Variants in PTPRG observed in about 807,000 individuals in gnomAD.
The protein encoded by PTPRG is protein tyrosine phosphatase receptor type G.
PTPRG carries 102 observed loss-of-function variants against 165.3 expected under a neutral mutation model. The ratio of observed to expected loss-of-function variants is 0.62; its 90% CI spans 0.53 to 0.73. The LOEUF is 0.73. Among genes scored for constraint, PTPRG ranks in the 30% least tolerant of loss-of-function variants. The pLI is 0.00. For synonymous variants in PTPRG, 675 were observed against 669.5 expected (o/e 1.01, Z -0.13); for missense variants, 1,866 against 1,861.4 (o/e 1.00, Z -0.05).
At chr3:61,596,534 C>G (rs561921057) in intron 1 of PTPRG, among the ~76,000 whole-genome samples, 1 of 152,036 alleles carries the variant, frequency 6.6e-6, no homozygotes, top group African/African-American at 2.4e-5. Context: ...AAGACACTTG[C>G]TATCTGAGGC....
rs537680292 is a variant in PTPRG, at chr3:62,115,745, C to A, written c.616-16857C>A. Among the ~76,000 whole-genome samples, 136 of 151,912 alleles carry A rather than the reference C, an allele frequency of 9.0e-4. 2 individuals are homozygous for A. In the South Asian group the frequency reaches 0.017, roughly 19 times the overall value. On this transcript the variant is annotated intron_variant, in intron 5 of 29. Transcript: ENST00000474889. ...AGAGACAAGGGTTTTCCATTTTGCC[C>A]AGGCAGGTCTTGAACTCCTGGGCTC...
At chr3:61,816,711 A>G (rs962662743) in intron 2 of PTPRG, among the ~76,000 whole-genome samples, 10 of 152,008 alleles carry the variant, frequency 6.6e-5, no homozygotes, top group South Asian at 2.1e-4. Context: ...GAGGAGGCAC[A>G]TGGATGGCTG....
chr3:62,140,634 G>A (rs1022236905), intron 6 of PTPRG, among the ~76,000 whole-genome samples: 24 of 151,970 alleles, frequency 1.6e-4, no homozygotes, highest in Non-Finnish European at 1.5e-5. Context: ...ATCACCTGAG[G>A]TCAGGATTTC....
At chr3:61,960,938 A>T (rs1469146838) in intron 2 of PTPRG, among the ~76,000 whole-genome samples, 1 of 152,122 alleles carries the variant, frequency 6.6e-6, no homozygotes, top group Non-Finnish European at 1.5e-5. Context: ...CAGCTGTGTT[A>T]ACTTGGGCCA....
chr3:61,856,082 A>G (rs557979472), intron 2 of PTPRG, among the ~76,000 whole-genome samples: 1 of 152,256 alleles, frequency 6.6e-6, no homozygotes, highest in Non-Finnish European at 1.5e-5. Flanking sequence ...GTGACAGTCA[A>G]GTGTGATGCC....
In PTPRG at chr3:61,739,487, T is replaced by C. The variant is rs996315007; in HGVS notation, c.86-9391T>C. 8.5e-5 allele frequency among the ~76,000 whole-genome samples: 13 copies of C among 152,334 alleles called. No individual in the cohort carries two copies. In the East Asian group the frequency reaches 2.5e-3, roughly 29 times the overall value. ...AAGTGGAGTAGCTATTCATATTAAC[T>C]CACAGATATTTTTATGATGCCTAAA... On this transcript the variant is annotated intron_variant, in intron 1 of 29. Transcript: ENST00000474889.
chr3:62,016,537 T>A (rs893236405), intron 4 of PTPRG, among the ~76,000 whole-genome samples: 5 of 152,198 alleles, frequency 3.3e-5, no homozygotes, highest in Non-Finnish European at 7.3e-5. Context: ...TCCATCTATT[T>A]TGTTTCTTTT....
At chr3:62,048,906 C>T (rs928043992) in intron 4 of PTPRG, among the ~76,000 whole-genome samples, 23 of 152,100 alleles carry the variant, frequency 1.5e-4, no homozygotes, top group African/African-American at 5.3e-4. Flanking sequence ...TAATTAAAGG[C>T]GCTGAGTAAA....
At chr3:61,991,535 A>C (rs2040890131) in intron 3 of PTPRG, among the ~76,000 whole-genome samples, 1 of 152,112 alleles carries the variant, frequency 6.6e-6, no homozygotes, top group Non-Finnish European at 1.5e-5. Context: ...TCACCTCTCT[A>C]CCACCCCAGC....
chr3:62,211,418 G>C lies in PTPRG; in HGVS notation c.2156-7433G>C, dbSNP rs373678809. On this transcript the variant is annotated intron_variant, in intron 12 of 29. Coordinates refer to ENST00000474889, the MANE Select transcript of PTPRG (RefSeq NM_002841.4). ...CAAGATGAAAAAGTTCTGGAGATCA[G>C]TTGCGCATCAGTTGCACAACAATGT... 7.9e-5 allele frequency among the ~76,000 whole-genome samples: 12 copies of C among 152,316 alleles called. No homozygotes were observed. The East Asian group carries it at 1.4e-3, about 17-fold the overall frequency.
intron 4 of PTPRG, among the ~76,000 whole-genome samples, chr3:62,047,186 A>G (rs1224772579): frequency 2.6e-5 from 4 of 152,156 alleles, no homozygotes; most frequent in Admixed American, 6.5e-5. Flanking sequence ...GCTGTATTTG[A>G]AAGTAGCTTC....
At chr3:61,722,963 C>T (rs1390329120) in intron 1 of PTPRG, among the ~76,000 whole-genome samples, 1 of 151,140 alleles carries the variant, frequency 6.6e-6, no homozygotes, top group African/African-American at 2.4e-5. Flanking sequence ...AATTATTTGT[C>T]GAGTGGGTTT....
At chr3:62,281,537 G>GTTTTTTTTTTTTTTTT (rs778994257) in intron 26 of PTPRG, 26 bp from the exon 27 acceptor site, 17 of 175,012 alleles carry the variant, frequency 9.7e-5, no homozygotes, top group Admixed American at 2.7e-4. Context: ...AACTGCAGAG[G>GTTTTTTTTTTTTTTTT]CTTTTTTTTT....
intron 1 of PTPRG, among the ~76,000 whole-genome samples, chr3:61,588,748 A>T (rs1011558594): frequency 6.6e-6 from 1 of 152,154 alleles, no homozygotes; most frequent in African/African-American, 2.4e-5. Context: ...GCCCGGCCCT[A>T]GGAGGGATAA....
chr3:61,982,057 C>T (rs186339853), intron 2 of PTPRG, among the ~76,000 whole-genome samples: 2 of 152,046 alleles, frequency 1.3e-5, no homozygotes, highest in East Asian at 3.9e-4. Context: ...TGTTGTATGA[C>T]CTTTTTAATC....
intron 4 of PTPRG, among the ~76,000 whole-genome samples, chr3:62,042,192 G>T (rs1700150768): frequency 6.6e-6 from 1 of 152,122 alleles, no homozygotes; most frequent in African/African-American, 2.4e-5. Context: ...GTATAACCTG[G>T]AGCTTCCACA....
intron 4 of PTPRG, 102 bp downstream of exon 4, chr3:62,003,599 C>A: frequency 7.1e-7 from 1 of 1,414,954 alleles, no homozygotes; most frequent in Non-Finnish European, 9.6e-7. Flanking sequence ...CACAGCTGTA[C>A]AGTACCTAAC....
At chr3:61,977,307 G>T (rs1203853477) in intron 2 of PTPRG, among the ~76,000 whole-genome samples, 1 of 152,062 alleles carries the variant, frequency 6.6e-6, no homozygotes, top group Non-Finnish European at 1.5e-5. Context: ...AACCTCAGGG[G>T]TTTCAGAGTT....
chr3:61,728,433 A>C (rs981228121), intron 1 of PTPRG, among the ~76,000 whole-genome samples: 1 of 152,126 alleles, frequency 6.6e-6, no homozygotes, highest in Non-Finnish European at 1.5e-5. Flanking sequence ...AAATTAAAAA[A>C]TTAGTTGGGT....
Sources: gnomAD v4.1 joint callset for allele counts (sites outside exome capture counted in the v4.1 genomes callset) on GRCh38, gnomAD v4.1.1 for gene constraint, MANE v1.5 for transcripts, NCBI Gene and HGNC (gene_info 2026-07-23, HGNC 2026-07-21) for gene names.